The following NFKB2 variants were observed in gnomAD, a reference collection of about 807,000 sequenced individuals.
NFKB2 encodes the protein nuclear factor NF-kappa-B p100 subunit.
NFKB2 carries 21 observed loss-of-function variants against 109.3 expected under a neutral mutation model. That is an observed-to-expected ratio of 0.19 (90% confidence interval 0.14 to 0.28). The LOEUF is 0.28. Ranked by LOEUF, NFKB2 falls within the 10% of genes least tolerant of loss-of-function variation. NFKB2 has a pLI of 1.00. For missense variants in NFKB2, 806 were observed against 1,185.3 expected (o/e 0.68, Z 4.70); for synonymous variants, 478 against 489.9 (o/e 0.98, Z 0.32).
Position 102,400,594 on chromosome 10 carries a change from G to A in NFKB2, c.1799-61G>A. The A allele has an allele frequency of 1.2e-6, 2 of 1,604,944 alleles. No homozygotes were observed. Among genetic ancestry groups the A allele is most frequent in the Non-Finnish European group, 1.7e-6 (2 of 1,174,136 alleles). ...ATGAGGTGTCGAGATTGAATGGTCA[G>A]GGCTGGTCCAGGGGCTGCCTTAAGG... On this transcript the variant is annotated intron_variant, in intron 16 of 22. Coordinates refer to ENST00000661543, the MANE Select transcript of NFKB2 (RefSeq NM_001322934.2). The surrounding 1 kb of genome is among the most constrained non-coding windows in gnomAD (Gnocchi z 6.3).
At position 102,401,401 on chromosome 10, in the gene NFKB2, G is replaced by A. The variant is rs948297909; in HGVS notation, c.2224-48G>A. On this transcript the variant is annotated intron_variant, in intron 19 of 22. Transcript: ENST00000661543. The surrounding 1 kb of genome is among the most constrained non-coding windows in gnomAD (Gnocchi z 4.2). ...AGAGTATCTGGACTTAAAGACACAG[G>A]CTTAAGGACGAGGTGGGAGGTAGTC... is the stretch of plus-strand genomic sequence containing the variant. 13 of 1,613,522 alleles carry A rather than the reference G, an allele frequency of 8.1e-6. No individual in the cohort carries two copies. The highest frequency in any genetic ancestry group is 5.0e-5 in the Admixed American group (3 of 59,974).
rs1441044579 is a variant in NFKB2 at position 102,396,078 on chromosome 10, G to A, written c.21+98G>A. On this transcript the variant is annotated intron_variant, in intron 2 of 22. Coordinates refer to ENST00000661543, the MANE Select transcript of NFKB2 (RefSeq NM_001322934.2). This position sits in a 1 kb window ranked among gnomAD's most constrained non-coding sequence, Gnocchi z 5.9. Reference sequence around the variant, plus strand: ...TCTGCTGCCTTACACCTGTATGCTCGCAGATGCTCTCAGCCTGCCAGTCTG... The same window carrying A: ...TCTGCTGCCTTACACCTGTATGCTCACAGATGCTCTCAGCCTGCCAGTCTG... 10 of 1,532,990 alleles carry A rather than the reference G, an allele frequency of 6.5e-6. No individual in the cohort carries two copies. Among genetic ancestry groups the A allele is most frequent in the Non-Finnish European group, 8.1e-6 (9 of 1,112,558 alleles). 95.0% of individuals were successfully genotyped at this position (1,532,990 alleles called of 1,614,324 possible). A position where few individuals can be genotyped will look rare whatever the true frequency, so the allele number is the denominator to read the frequency against.
In NFKB2 at chr10:102,397,720, G is replaced by A; in HGVS notation, c.661+35G>A. ...CTGATTGCCTGGGGTGCCAGGCCTG[G>A]TGGCAGAGGTGGCATGAGGGGTGAC... On this transcript the variant is annotated intron_variant, in intron 8 of 22. Coordinates refer to ENST00000661543, the MANE Select transcript of NFKB2 (RefSeq NM_001322934.2). This position sits in a 1 kb window ranked among gnomAD's most constrained non-coding sequence, Gnocchi z 4.7. 6.3e-7 allele frequency: 1 copy of A among 1,587,298 alleles called. No individual in the cohort carries two copies. The highest frequency in any genetic ancestry group is 8.6e-7 in the Non-Finnish European group (1 of 1,161,300).
Position 102,400,337 on chromosome 10 carries a change from G to A in NFKB2, c.1644G>A (p.Arg548=), listed in dbSNP as rs2061209299. The change falls in exon 16 of 23, where the codon CGG becomes CGA. Residue 548 remains arginine (R), a synonymous_variant. Transcript: ENST00000661543. The surrounding 1 kb of genome is among the most constrained non-coding windows in gnomAD (Gnocchi z 6.3). ...CGAGTGTGGTGAGCTTTCTGCTGCG[G>A]GTAGGTGCAGACCCAGCTCTGCTGG... ...GQTSVVSFLL[R]VGADPALLDR... The A allele has an allele frequency of 6.2e-7, 1 of 1,613,980 alleles. No homozygotes were observed. Among genetic ancestry groups the A allele is most frequent in the Admixed American group, 1.7e-5 (1 of 60,034 alleles).
chr10:102,399,130 T>C, intron 12 of NFKB2, 158 bp from the exon 13 acceptor site: 1 of 818,032 alleles, frequency 1.2e-6, no homozygotes, highest in Non-Finnish European at 1.9e-6. Flanking sequence ...GGAGAATCGC[T>C]TGAACCCTGG....
chr10:102,399,672 G>T lies in NFKB2; in HGVS notation c.1423G>T (p.Ala475Ser). The stretch of plus-strand genomic sequence containing the variant: ...CACCGCGGACGCGCGCGCGCTGCTG[G>T]CGGGACAGCGCCACCTGCTGACGGC... ...GVTADARALL[A>S]GQRHLLTAQD... Residue 475 changes from alanine (A) to serine (S), a missense_variant, in exon 14 of 23, where the codon GCG becomes TCG. By Grantham distance (99) the Ala-to-Ser change is moderately conservative (BLOSUM62 1). Transcript: ENST00000661543. The T allele has an allele frequency of 6.6e-7, 1 of 1,524,536 alleles. No individual in the cohort carries two copies. The highest frequency in any genetic ancestry group is 8.8e-7 in the Non-Finnish European group (1 of 1,134,214). The allele number at this position is 1,524,536 out of a possible 1,614,324, so 94.4% of individuals were successfully genotyped here. A position where few individuals can be genotyped will look rare whatever the true frequency, so the allele number is the denominator to read the frequency against.
In NFKB2 at chr10:102,398,547, G is replaced by C; in HGVS notation, c.991+24G>C. The stretch of plus-strand genomic sequence containing the variant: ...AGGTGGAGCTGGGCTGAGGACCTCA[G>C]GGTGCTGGCGGGGGGCCAGGCTGGG... On this transcript the variant is annotated intron_variant, in intron 11 of 22. Transcript: ENST00000661543. The surrounding 1 kb of genome is among the most constrained non-coding windows in gnomAD (Gnocchi z 6.6). 6.2e-7 allele frequency: 1 copy of C among 1,611,404 alleles called. No individual in the cohort carries two copies. Among genetic ancestry groups the C allele is most frequent in the South Asian group, 1.1e-5 (1 of 90,884 alleles).
rs895988031 is a variant in NFKB2 at position 102,397,032 on chromosome 10, G to A, written c.372G>A (p.Val124=). 1 of 1,613,034 alleles carries A rather than the reference G, an allele frequency of 6.2e-7. No individual in the cohort carries two copies. The highest frequency in any genetic ancestry group is 1.3e-5 in the African/African-American group (1 of 74,918). ...AGCTGGGGATCTGCGCCGTTTCTGTGGGGCCCAAGGACATGACTGCCCAGT... is the reference window on the plus strand; with the variant it reads ...AGCTGGGGATCTGCGCCGTTTCTGTAGGGCCCAAGGACATGACTGCCCAGT... The part of the protein sequence containing the change: ...CSELGICAVS[V]GPKDMTAQFN... The change falls in exon 6 of 23, where the codon GTG becomes GTA. Residue 124 remains valine (V), a synonymous_variant. Transcript: ENST00000661543. This position sits in a 1 kb window ranked among gnomAD's most constrained non-coding sequence, Gnocchi z 4.7.
chr10:102,397,302 AT>A lies in NFKB2; in HGVS notation c.399del (p.Phe133LeufsTer9). On this transcript the variant is annotated frameshift_variant and splice_region_variant, in exon 7 of 23. Coordinates refer to ENST00000661543, the MANE Select transcript of NFKB2 (RefSeq NM_001322934.2). LOFTEE classifies it high-confidence loss of function. The surrounding 1 kb of genome is among the most constrained non-coding windows in gnomAD (Gnocchi z 4.7). ...SVGPKDMTAQFNNLGVLHVTK... is the reference protein window; with the variant it reads ...SVGPKDMTAQXNNLGVLHVTK... ...AAGGCCTCCGATTCTCTCTTCTCAGATTTAACAACCTGGGTGTCCTGCATGT... is the reference window on the plus strand; with the variant it reads ...AAGGCCTCCGATTCTCTCTTCTCAGATTAACAACCTGGGTGTCCTGCATGT... 6.2e-7 allele frequency: 1 copy of A among 1,614,008 alleles called. No individual in the cohort carries two copies. Among genetic ancestry groups the A allele is most frequent in the Non-Finnish European group, 8.5e-7 (1 of 1,179,862 alleles).
At position 102,401,237 on chromosome 10, in the gene NFKB2, C is replaced by A. The variant is rs1422816307; in HGVS notation, c.2129C>A (p.Thr710Asn). The A allele has an allele frequency of 6.2e-7, 1 of 1,611,470 alleles. No homozygotes were observed. The highest frequency in any genetic ancestry group is 2.2e-5 in the East Asian group (1 of 44,846). ...CTGTGCCCACTGCCTTCACCCCCTACCTCTGATAGCGACTCGGACTCTGAA... is the reference window on the plus strand; with the variant it reads ...CTGTGCCCACTGCCTTCACCCCCTAACTCTGATAGCGACTCGGACTCTGAA... The part of the protein sequence containing the change: ...EPLCPLPSPP[T>N]SDSDSDSEGP... Residue 710 changes from threonine (T) to asparagine (N), a missense_variant, in exon 19 of 23, where the codon ACC becomes AAC. Around this residue, in one of 10 missense-constraint regions of NFKB2, gnomAD observed 211 missense variants for 268.7 expected, o/e 0.79. Coordinates refer to ENST00000661543, the MANE Select transcript of NFKB2 (RefSeq NM_001322934.2). The surrounding 1 kb of genome is among the most constrained non-coding windows in gnomAD (Gnocchi z 4.2).
Position 102,397,603 on chromosome 10 carries a change from C to T in NFKB2, c.579C>T (p.Arg193=), listed in dbSNP as rs766437395. ...TGGATCTGAGTATAGTGCGGCTGCG[C>T]TTCTCTGCCTTCCTTAGAGCCAGTG... ...KVMDLSIVRL[R]FSAFLRASDG... is the part of the protein sequence containing the mutation. Residue 193 remains arginine, a synonymous_variant, in exon 8 of 23, where the codon CGC becomes CGT. Coordinates refer to ENST00000661543, the MANE Select transcript of NFKB2 (RefSeq NM_001322934.2). The surrounding 1 kb of genome is among the most constrained non-coding windows in gnomAD (Gnocchi z 4.7). The T allele has an allele frequency of 9.3e-6, 15 of 1,613,994 alleles. No homozygotes were observed. In the African/African-American group the frequency reaches 1.7e-4, roughly 19 times the overall value.
Position 102,401,390 on chromosome 10 carries a change from TA to T in NFKB2, c.2224-56del, listed in dbSNP as rs1324813618. ...TGACGGGGTCCAGAGTATCTGGACTTAAAGACACAGGCTTAAGGACGAGGTG... is the reference window on the plus strand; with the variant it reads ...TGACGGGGTCCAGAGTATCTGGACTTAAGACACAGGCTTAAGGACGAGGTG... On this transcript the variant is annotated intron_variant, in intron 19 of 22. Transcript: ENST00000661543. The surrounding 1 kb of genome is among the most constrained non-coding windows in gnomAD (Gnocchi z 4.2). 2 of 1,613,364 alleles carry T rather than the reference TA, an allele frequency of 1.2e-6. No homozygotes were observed. The highest frequency in any genetic ancestry group is 1.7e-6 in the Non-Finnish European group (2 of 1,179,716).
intron 14 of NFKB2, 46 bp downstream of exon 14, chr10:102,399,764 G>T: frequency 6.9e-7 from 1 of 1,441,414 alleles, no homozygotes; most frequent in South Asian, 1.5e-5. Context: ...GTGGGGGCAG[G>T]AAAGGGACCG....
Position 102,398,709 on chromosome 10 carries a change from G to A in NFKB2, c.992-30G>A, listed in dbSNP as rs1484219141. On this transcript the variant is annotated intron_variant, in intron 11 of 22. Transcript: ENST00000661543. The surrounding 1 kb of genome is among the most constrained non-coding windows in gnomAD (Gnocchi z 6.6). The stretch of plus-strand genomic sequence containing the variant: ...GCCCCTGAGGCATGACACAATAACT[G>A]GGCTCAATCTCATTTTCCTCTGCCC... The A allele has an allele frequency of 6.2e-7, 1 of 1,612,148 alleles. No individual in the cohort carries two copies. The highest frequency in any genetic ancestry group is 8.5e-7 in the Non-Finnish European group (1 of 1,180,010).
In NFKB2 at chr10:102,399,501, T is replaced by C. The variant is rs2135435340; in HGVS notation, c.1327+4T>C. ...GCCCCGGAGATGCTGCAGCGAGGTA[T>C]GGACTCCGGGGCACGGGCGGTCGGG... On this transcript the variant is annotated splice_donor_region_variant and intron_variant, in intron 13 of 22. Transcript: ENST00000661543. 6.7e-7 allele frequency: 1 copy of C among 1,500,530 alleles called. No homozygotes were observed. Among genetic ancestry groups the C allele is most frequent in the Admixed American group, 2.3e-5 (1 of 43,536 alleles). The allele number at this position is 1,500,530 out of a possible 1,614,324, so 93.0% of individuals were successfully genotyped here.
At position 102,401,651 on chromosome 10, in the gene NFKB2, G is replaced by C; in HGVS notation, c.2294-94G>C. The C allele has an allele frequency of 6.5e-7, 1 of 1,531,180 alleles. No individual in the cohort carries two copies. Among genetic ancestry groups the C allele is most frequent in the Admixed American group, 1.9e-5 (1 of 52,714 alleles). 94.8% of individuals were successfully genotyped at this position (1,531,180 alleles called of 1,614,324 possible). ...TCCATCACCCCTCATGGTCCTGTCTGTCGCTTACCTTGGGAGAAAGGCAGT... is the reference window on the plus strand; with the variant it reads ...TCCATCACCCCTCATGGTCCTGTCTCTCGCTTACCTTGGGAGAAAGGCAGT... On this transcript the variant is annotated intron_variant, in intron 20 of 22. Transcript: ENST00000661543. This position sits in a 1 kb window ranked among gnomAD's most constrained non-coding sequence, Gnocchi z 4.2.
At position 102,400,453 on chromosome 10, in the gene NFKB2, C is replaced by A. The variant is rs2061213112; in HGVS notation, c.1760C>A (p.Pro587His). The A allele has an allele frequency of 5.0e-6, 8 of 1,611,950 alleles. No homozygotes were observed. The highest frequency in any genetic ancestry group is 6.8e-6 in the Non-Finnish European group (8 of 1,179,694). The change falls in exon 16 of 23, where the codon CCT becomes CAT. Residue 587 changes from proline (P) to histidine (H), a missense_variant. Coordinates refer to ENST00000661543, the MANE Select transcript of NFKB2 (RefSeq NM_001322934.2). The surrounding 1 kb of genome is among the most constrained non-coding windows in gnomAD (Gnocchi z 6.3). ...LLRALLQSGA[P>H]AVPQLLHMPD... ...CGTGCACTGCTTCAGAGTGGAGCTCCTGCTGTGCCCCAGCTGTTGCATATG... is the reference window on the plus strand; with the variant it reads ...CGTGCACTGCTTCAGAGTGGAGCTCATGCTGTGCCCCAGCTGTTGCATATG...
At position 102,397,404 on chromosome 10, in the gene NFKB2, T is replaced by C. The variant is rs764346322; in HGVS notation, c.498T>C (p.Leu166=). ...GGCTCCGCTCTAGGCCCCAGGGCCT[T>C]ACGGGTATGGGTGCAGGGGGTGGGT... The part of the protein sequence containing the change: ...RQRLRSRPQG[L]TEAEQRELEQ... The change falls in exon 7 of 23, where the codon CTT becomes CTC. Residue 166 remains leucine (L), a synonymous_variant. Transcript: ENST00000661543. This position sits in a 1 kb window ranked among gnomAD's most constrained non-coding sequence, Gnocchi z 4.7. 10 of 1,557,748 alleles carry C rather than the reference T, an allele frequency of 6.4e-6. No homozygotes were observed. In the South Asian group the frequency reaches 1.1e-4, roughly 18 times the overall value.
In NFKB2 at chr10:102,399,341, G is replaced by A. The variant is rs551547169; in HGVS notation, c.1171G>A (p.Gly391Ser). 1.9e-6 allele frequency: 3 copies of A among 1,577,154 alleles called. No individual in the cohort carries two copies. Among genetic ancestry groups the A allele is most frequent in the East Asian group, 2.3e-5 (1 of 43,364 alleles). The change falls in exon 13 of 23, where the codon GGC (glycine) becomes AGC (serine). Residue 391 changes from glycine to serine, a missense_variant. Coordinates refer to ENST00000661543, the MANE Select transcript of NFKB2 (RefSeq NM_001322934.2). ...SSLAYSPYQS[G>S]AGPMGCYPGG... Reference sequence around the variant, plus strand: ...CCTGGCCTACAGCCCCTACCAGTCCGGCGCGGGCCCCATGGGCTGCTACCC... The same window carrying A: ...CCTGGCCTACAGCCCCTACCAGTCCAGCGCGGGCCCCATGGGCTGCTACCC...
Sources: gnomAD v4.1 joint callset for allele counts on GRCh38, gnomAD v4.1.1 for gene constraint, gnomAD v4.1.1 regional missense constraint, Gnocchi (gnomAD v3.1) non-coding constraint, MANE v1.5 for transcripts, NCBI Gene and HGNC (gene_info 2026-07-23, HGNC 2026-07-21) for gene names.